HS3ST4: variants seen among roughly 807,000 people sequenced by gnomAD.
The protein encoded by HS3ST4 is heparan sulfate glucosamine 3-O-sulfotransferase 4.
In HS3ST4, 17 loss-of-function variants were observed where a neutral mutation model predicts 29.2. That is an observed-to-expected ratio of 0.58 (90% CI 0.40 to 0.87). The LOEUF (loss-of-function observed/expected upper bound fraction) is 0.87, where lower values mean the gene tolerates loss of function less well. Ranked by LOEUF, HS3ST4 falls within the 40% of genes least tolerant of loss-of-function variation. HS3ST4 has a pLI of 0.00. For synonymous variants in HS3ST4, 314 were observed against 285.7 expected, an observed-to-expected ratio of 1.10 and a Z score of -1.00; for missense variants, 627 against 634.5, an observed-to-expected ratio of 0.99 and a Z score of 0.13.
At chr16:25,785,376 A>ATAAAGAGGAAGAGAC (rs1966856460) in intron 1 of HS3ST4, among the ~76,000 whole-genome samples, 1 of 152,202 alleles carries the variant, frequency 6.6e-6, no homozygotes, top group African/African-American at 2.4e-5. Flanking sequence ...TAGAGTCAGG[A>ATAAAGAGGAAGAGAC]TTCAATTCGA....
At chr16:25,808,074 A>G (rs576044659) in intron 1 of HS3ST4, among the ~76,000 whole-genome samples, 17 of 152,030 alleles carry the variant, frequency 1.1e-4, no homozygotes, top group Non-Finnish European at 2.4e-4. Context: ...TCTAGTCTGG[A>G]GCTTGTCTTT....
chr16:25,753,812 C>G lies in HS3ST4; in HGVS notation c.734+60661C>G, dbSNP rs150362663. On this transcript the variant is annotated intron_variant, in intron 1 of 1. Transcript: ENST00000331351. ...TGGGTTTCACTTATTTTTTTAATTG[C>G]TTATTTCTTCTGTTACAAATCAATA... 2.0e-5 allele frequency among the ~76,000 whole-genome samples: 3 copies of G among 152,174 alleles called. No individual in the cohort carries two copies. The East Asian group carries it at 5.8e-4, about 29-fold the overall frequency.
chr16:26,107,351 A>AACACACAC (rs144609224), intron 1 of HS3ST4, among the ~76,000 whole-genome samples: 10 of 149,416 alleles, frequency 6.7e-5, no homozygotes, highest in African/African-American at 2.5e-4. Context: ...TTGGCATACA[A>AACACACAC]ACACACACAC....
intron 1 of HS3ST4, among the ~76,000 whole-genome samples, chr16:26,121,025 C>T (rs1018447403): frequency 1.3e-5 from 2 of 152,184 alleles, no homozygotes; most frequent in Non-Finnish European, 2.9e-5. Context: ...CCTTTTGATC[C>T]TGATGAAACA....
At chr16:25,814,354 G>A (rs1323220662) in intron 1 of HS3ST4, among the ~76,000 whole-genome samples, 1 of 151,482 alleles carries the variant, frequency 6.6e-6, no homozygotes, top group Non-Finnish European at 1.5e-5. Context: ...TTTTTTTGGC[G>A]GGGGCGGGGG....
intron 1 of HS3ST4, among the ~76,000 whole-genome samples, chr16:25,732,660 G>C (rs1294560160): frequency 6.6e-6 from 1 of 152,154 alleles, no homozygotes; most frequent in African/African-American, 2.4e-5. Context: ...TTATCATGCA[G>C]TCTTGACTGA....
chr16:25,886,137 A>G (rs560565183), intron 1 of HS3ST4, among the ~76,000 whole-genome samples: 1 of 149,164 alleles, frequency 6.7e-6, no homozygotes, highest in Admixed American at 6.8e-5. Flanking sequence ...GGTTCAAGCA[A>G]TTCTCCTGCC....
intron 1 of HS3ST4, among the ~76,000 whole-genome samples, chr16:25,858,191 C>T (rs754865725): frequency 4.0e-5 from 6 of 151,604 alleles, no homozygotes; most frequent in Non-Finnish European, 8.8e-5. Flanking sequence ...GCTTACAGGT[C>T]AGTGTTACTT....
chr16:25,725,122 A>G (rs2141591228), intron 1 of HS3ST4, among the ~76,000 whole-genome samples: 1 of 140,074 alleles, frequency 7.1e-6, no homozygotes, highest in African/African-American at 2.7e-5. Context: ...TTCTACTACT[A>G]TTTTTGTTTT....
chr16:25,911,020 C>T (rs879917960), intron 1 of HS3ST4, among the ~76,000 whole-genome samples: 3 of 152,162 alleles, frequency 2.0e-5, no homozygotes, highest in Non-Finnish European at 2.9e-5. Flanking sequence ...AACTTAATGT[C>T]TGGTAATATT....
At chr16:26,023,807 C>T (rs541799985) in intron 1 of HS3ST4, among the ~76,000 whole-genome samples, 72 of 152,272 alleles carry the variant, frequency 4.7e-4, no homozygotes, top group Admixed American at 7.8e-4. Context: ...ATGTTTGCTG[C>T]AAGACAGAGA....
chr16:25,873,378 TCATC>T (rs371356328), intron 1 of HS3ST4, among the ~76,000 whole-genome samples: 1,278 of 96,698 alleles, frequency 0.013, 25 homozygotes, highest in African/African-American at 0.042. Flanking sequence ...AGCCATCCAG[TCATC>T]CATCCATCCA....
rs1966845529 is a variant in HS3ST4 at position 25,774,294 on chromosome 16, A to G, written c.734+81143A>G. Reference sequence around the variant, plus strand: ...TTTAGCAAACATTGACCAGCTGCCTATGTGCCAGGCACTTCCTTAGTTGGT... The same window carrying G: ...TTTAGCAAACATTGACCAGCTGCCTGTGTGCCAGGCACTTCCTTAGTTGGT... On this transcript the variant is annotated intron_variant, in intron 1 of 1. Transcript: ENST00000331351. Among the ~76,000 whole-genome samples the G allele has an allele frequency of 2.0e-5, 3 of 152,344 alleles. No individual in the cohort carries two copies. The South Asian group carries it at 6.2e-4, about 32-fold the overall frequency.
Position 25,992,823 on chromosome 16 carries a change from C to A in HS3ST4, c.735-142789C>A, listed in dbSNP as rs957759256. Among the ~76,000 whole-genome samples, 4 of 152,190 alleles carry A rather than the reference C, an allele frequency of 2.6e-5. No homozygotes were observed. The South Asian group carries it at 8.3e-4, about 31-fold the overall frequency. On this transcript the variant is annotated intron_variant, in intron 1 of 1. Transcript: ENST00000331351. Reference sequence around the variant, plus strand: ...TCGAGGCTGTGAGGAAAAAATAACCCCAAGCCACACTTGCTCCAGCACTTG... The same window carrying A: ...TCGAGGCTGTGAGGAAAAAATAACCACAAGCCACACTTGCTCCAGCACTTG...
At chr16:25,823,304 T>G (rs1472807648) in intron 1 of HS3ST4, among the ~76,000 whole-genome samples, 1 of 152,212 alleles carries the variant, frequency 6.6e-6, no homozygotes, top group African/African-American at 2.4e-5. Context: ...CACAGAGATC[T>G]AAACTTCTCA....
At chr16:25,802,102 TGAGAC>T (rs1463210207) in intron 1 of HS3ST4, among the ~76,000 whole-genome samples, 1 of 151,420 alleles carries the variant, frequency 6.6e-6, no homozygotes, top group Non-Finnish European at 1.5e-5. Flanking sequence ...GCAAACAACA[TGAGAC>T]AGACAGCAAA....
intron 1 of HS3ST4, among the ~76,000 whole-genome samples, chr16:25,890,276 C>T (rs1967994563): frequency 1.3e-5 from 2 of 152,150 alleles, no homozygotes; most frequent in African/African-American, 4.8e-5. Flanking sequence ...AAATGTTGTC[C>T]TCTTAGCCAC....
At chr16:26,054,514 C>T (rs551073279) in intron 1 of HS3ST4, among the ~76,000 whole-genome samples, 1 of 152,170 alleles carries the variant, frequency 6.6e-6, no homozygotes, top group Non-Finnish European at 1.5e-5. Flanking sequence ...GGTTCAGTGT[C>T]AGAACCAGTG....
chr16:25,753,791 T>C (rs1265280302), intron 1 of HS3ST4, among the ~76,000 whole-genome samples: 1 of 151,966 alleles, frequency 6.6e-6, no homozygotes, highest in Non-Finnish European at 1.5e-5. Flanking sequence ...AACAAATGGG[T>C]TTCACTTATT....
Sources: gnomAD v4.1 joint callset for allele counts (sites outside exome capture counted in the v4.1 genomes callset) on GRCh38, gnomAD v4.1.1 for gene constraint, MANE v1.5 for transcripts, NCBI Gene and HGNC (gene_info 2026-07-23, HGNC 2026-07-21) for gene names.